Variants in RYR2 observed in about 807,000 individuals in gnomAD.
The protein encoded by RYR2 is cardiac muscle ryanodine receptor-calcium release channel.
Under a neutral mutation model 601.1 loss-of-function variants are expected in RYR2, and 227 were observed. The observed-to-expected ratio is 0.38, with a 90% confidence interval of 0.34 to 0.42. RYR2 has a LOEUF of 0.42. RYR2 is among the 10% of genes least tolerant of loss of function. The pLI is 1.00. For synonymous variants in RYR2, 2,223 were observed against 2,175.1 expected, an observed-to-expected ratio of 1.02 and a Z score of -0.61; for missense variants, 4,646 against 6,156.5, an observed-to-expected ratio of 0.75 and a Z score of 8.21.
At chr1:237,757,343 C>T (rs1693041792) in intron 81 of RYR2, among the ~76,000 whole-genome samples, 1 of 151,992 alleles carries the variant, frequency 6.6e-6, no homozygotes, top group Admixed American at 6.6e-5. Context: ...TTTAAAGAAA[C>T]TTTTAAGTAG....
chr1:237,079,727 C>T (rs1193372544), intron 1 of RYR2, among the ~76,000 whole-genome samples: 30 of 141,450 alleles, frequency 2.1e-4, no homozygotes, highest in African/African-American at 8.3e-4. Flanking sequence ...AGATTCAATG[C>T]CATCCCCATC....
intron 1 of RYR2, among the ~76,000 whole-genome samples, chr1:237,069,411 C>G (rs972329353): frequency 6.6e-6 from 1 of 151,870 alleles, no homozygotes; most frequent in Non-Finnish European, 1.5e-5. Flanking sequence ...CATTTCAAAA[C>G]AGGGCACAGC....
At chr1:237,576,677 C>T (rs908354308) in intron 29 of RYR2, among the ~76,000 whole-genome samples, 12 of 152,036 alleles carry the variant, frequency 7.9e-5, no homozygotes, top group Admixed American at 7.2e-4. Flanking sequence ...AATGAATGTT[C>T]TGCTTCCTTA....
chr1:237,678,498 C>T (rs1005348846), intron 61 of RYR2, among the ~76,000 whole-genome samples: 1 of 152,250 alleles, frequency 6.6e-6, no homozygotes, highest in Non-Finnish European at 1.5e-5. Context: ...TAAATAGGCA[C>T]ATTATAAGAA....
Position 237,456,744 on chromosome 1 carries a change from C to G in RYR2, c.1612+9C>G. 1 of 1,613,056 alleles carries G rather than the reference C, an allele frequency of 6.2e-7. No individual in the cohort carries two copies. Among genetic ancestry groups the G allele is most frequent in the Non-Finnish European group, 8.5e-7 (1 of 1,179,414 alleles). On this transcript the variant is annotated intron_variant, in intron 16 of 104. Coordinates refer to ENST00000366574, the MANE Select transcript of RYR2 (RefSeq NM_001035.3). ...TCTGTATGAGTTGCTGGGTAAGAAG[C>G]ATGATTGGGTTCATAGCAACAGAGT... is the stretch of plus-strand genomic sequence containing the variant.
chr1:237,440,551 G>GA lies in RYR2; in HGVS notation c.1006-761dup, dbSNP rs1412602590. ...GAAGTGCTGACATAAACAGAGATTTGAAAAAAACATTTGGCTGGTGTCAGA... is the reference window on the plus strand; with the variant it reads ...GAAGTGCTGACATAAACAGAGATTTGAAAAAAAACATTTGGCTGGTGTCAGA... On this transcript the variant is annotated intron_variant, in intron 12 of 104. Coordinates refer to ENST00000366574, the MANE Select transcript of RYR2 (RefSeq NM_001035.3). 3.3e-5 allele frequency among the ~76,000 whole-genome samples: 5 copies of GA among 152,036 alleles called. 1 individual carries two copies. The highest frequency in any genetic ancestry group is 4.1e-4 in the South Asian group (2 of 4,828).
In RYR2 at chr1:237,770,793, T is replaced by C. The variant is rs1219270773; in HGVS notation, c.11477-14T>C. 3.9e-6 allele frequency: 6 copies of C among 1,540,844 alleles called. No individual in the cohort carries two copies. Among genetic ancestry groups the C allele is most frequent in the Non-Finnish European group, 1.8e-6 (2 of 1,137,328 alleles). On this transcript the variant is annotated splice_polypyrimidine_tract_variant and intron_variant, in intron 84 of 104. Coordinates refer to ENST00000366574, the MANE Select transcript of RYR2 (RefSeq NM_001035.3). ...GGTGGCTGGTAATGTTTGATCCCTC[T>C]GGATTTCCCACAGGAGAAAAGGTTC...
chr1:237,436,454 C>CTATTTTTTTTTTT (rs1707368171), intron 12 of RYR2, among the ~76,000 whole-genome samples: 1 of 48,730 alleles, frequency 2.1e-5, no homozygotes, highest in African/African-American at 9.9e-5. Context: ...TGTGATTTTC[C>CTATTTTTTTTTTT]TTTTTTTTTT....
intron 25 of RYR2, among the ~76,000 whole-genome samples, chr1:237,533,768 T>C (rs925874184): frequency 1.1e-4 from 16 of 152,176 alleles, no homozygotes; most frequent in African/African-American, 3.4e-4. Context: ...ATTATAATTC[T>C]AGATAGTAAT....
At chr1:237,510,540 A>G (rs3766840) in intron 23 of RYR2, among the ~76,000 whole-genome samples, 34,322 of 152,106 alleles carry the variant, frequency 0.23, 4,331 homozygotes, top group African/African-American at 0.35. Flanking sequence ...ATATGATTCT[A>G]TATAAGTCTT....
At chr1:237,088,838 A>G (rs1031439282) in intron 1 of RYR2, among the ~76,000 whole-genome samples, 2 of 152,246 alleles carry the variant, frequency 1.3e-5, no homozygotes, top group African/African-American at 4.8e-5. Flanking sequence ...GGCTCATAAT[A>G]TCTTACCTTC....
At position 237,791,901 on chromosome 1, in the gene RYR2, ATAAG is replaced by A. The variant is rs1268100685; in HGVS notation, c.13564-203_13564-200del. 1.0e-5 allele frequency: 6 copies of A among 593,070 alleles called. No homozygotes were observed. In the African/African-American group the frequency reaches 1.1e-4, roughly 11 times the overall value. The allele number at this position is 593,070 out of a possible 1,614,324, so 36.7% of individuals were successfully genotyped here. ...TGGAATCCTCAGAATTTTTGGTTGA[ATAAG>A]AATGAATTTTAAAAGTATGTTCATT... On this transcript the variant is annotated intron_variant, in intron 93 of 104. Coordinates refer to ENST00000366574, the MANE Select transcript of RYR2 (RefSeq NM_001035.3).
chr1:237,425,317 C>A lies in RYR2; in HGVS notation c.1005+2069C>A, dbSNP rs757861087. ...CATGGGGATATAGGGATCACCAACA[C>A]CCCTCCCCCATGCAATTGAAATCTA... On this transcript the variant is annotated intron_variant, in intron 12 of 104. Transcript: ENST00000366574. Among the ~76,000 whole-genome samples, 7 of 152,220 alleles carry A rather than the reference C, an allele frequency of 4.6e-5. No individual in the cohort carries two copies. In the East Asian group the frequency reaches 1.2e-3, roughly 25 times the overall value.
chr1:237,043,389 G>A (rs1443140896), intron 1 of RYR2, among the ~76,000 whole-genome samples: 2 of 152,146 alleles, frequency 1.3e-5, no homozygotes, highest in African/African-American at 2.4e-5. Context: ...AGCAAAGTGT[G>A]TGTGTGTAAG....
chr1:237,491,659 A>G (rs1663355433), intron 17 of RYR2, 147 bp from the exon 18 acceptor site: 1 of 548,302 alleles, frequency 1.8e-6, no homozygotes, highest in African/African-American at 2.0e-5. Context: ...ACCACCTGTC[A>G]CCTATCACAG....
At chr1:237,147,906 T>G (rs1192484411) in intron 1 of RYR2, among the ~76,000 whole-genome samples, 1 of 152,238 alleles carries the variant, frequency 6.6e-6, no homozygotes, top group East Asian at 1.9e-4. Flanking sequence ...CAATGGTGTT[T>G]TATTAAACAG....
chr1:237,355,661 T>C (rs1221558373), intron 3 of RYR2, among the ~76,000 whole-genome samples: 1 of 152,160 alleles, frequency 6.6e-6, no homozygotes, highest in African/African-American at 2.4e-5. Flanking sequence ...CTATTACGTT[T>C]GAGAATTAGA....
intron 24 of RYR2, among the ~76,000 whole-genome samples, chr1:237,530,023 G>A (rs1020594265): frequency 2.0e-5 from 3 of 152,056 alleles, no homozygotes; most frequent in Admixed American, 6.6e-5. Flanking sequence ...TTAAAAACAA[G>A]ACTTCTGACT....
intron 1 of RYR2, among the ~76,000 whole-genome samples, chr1:237,074,215 G>A (rs568301005): frequency 6.6e-6 from 1 of 152,288 alleles, no homozygotes; most frequent in Admixed American, 6.5e-5. Context: ...TACTTGGGAG[G>A]CTGAGGCAGG....
Sources: allele counts gnomAD v4.1 joint callset (sites outside exome capture counted in the v4.1 genomes callset), GRCh38; gene constraint gnomAD v4.1.1; transcripts MANE v1.5; gene names NCBI Gene and HGNC (gene_info 2026-07-23, HGNC 2026-07-21).